The following SRGAP3 variants were observed in gnomAD, a reference collection of about 807,000 sequenced individuals.
The protein encoded by SRGAP3 is SLIT-ROBO Rho GTPase activating protein 3.
SRGAP3 carries 39 observed loss-of-function variants against 121.1 expected under a neutral mutation model. The observed-to-expected ratio is 0.32, with a 90% confidence interval of 0.25 to 0.42. The LOEUF is 0.42. Among genes scored for constraint, SRGAP3 ranks in the 10% least tolerant of loss-of-function variants. The probability of loss-of-function intolerance (pLI) is 1.00; values close to 1 mark genes in which losing one functional copy is unlikely to be tolerated. For synonymous variants in SRGAP3, 601 were observed against 570.0 expected (o/e 1.05, Z -0.77); for missense variants, 1,213 against 1,470.6 (o/e 0.82, Z 2.86).
At chr3:9,158,871 T>G (rs1393527587) in intron 1 of SRGAP3, among the ~76,000 whole-genome samples, 1 of 152,206 alleles carries the variant, frequency 6.6e-6, no homozygotes. Flanking sequence ...CTCAGCTGCC[T>G]GCAGGAAACA....
chr3:9,143,955 A>G (rs1226059491), intron 1 of SRGAP3, among the ~76,000 whole-genome samples: 4 of 151,942 alleles, frequency 2.6e-5, no homozygotes, highest in Admixed American at 2.6e-4. Flanking sequence ...ATTCCTCTCC[A>G]TCTCCACTGC....
At chr3:9,256,917 G>A (rs917244390) in intron 3 of SRGAP3, 6 of 398,308 alleles carry the variant, frequency 1.5e-5, no homozygotes, top group Non-Finnish European at 2.7e-5. Flanking sequence ...AGAATAACAA[G>A]AATAGATTCT....
intron 10 of SRGAP3, among the ~76,000 whole-genome samples, chr3:9,041,443 G>C (rs1945007049): frequency 6.6e-6 from 1 of 152,232 alleles, no homozygotes; most frequent in African/African-American, 2.4e-5. Context: ...AAAATGAAGA[G>C]ATTAAATAAT....
At chr3:9,196,290 A>G (rs946314426) in intron 1 of SRGAP3, among the ~76,000 whole-genome samples, 1 of 152,204 alleles carries the variant, frequency 6.6e-6, no homozygotes, top group Admixed American at 6.5e-5. Context: ...GGGCGTTTCC[A>G]TGGCTACGGT....
chr3:9,280,747 T>A (rs1954660661), intron 3 of SRGAP3, among the ~76,000 whole-genome samples: 1 of 152,212 alleles, frequency 6.6e-6, no homozygotes, highest in Admixed American at 6.5e-5. Context: ...GGATGCAGAA[T>A]CTGCTTTCTC....
intron 10 of SRGAP3, among the ~76,000 whole-genome samples, chr3:9,040,250 T>A (rs2125117552): frequency 6.6e-6 from 1 of 152,336 alleles, no homozygotes; most frequent in South Asian, 2.1e-4. Context: ...AACCCTCCAA[T>A]AACCTCTCAT....
chr3:9,178,712 T>C lies in SRGAP3; in HGVS notation c.68-53795A>G, dbSNP rs1041496890. On this transcript the variant is annotated intron_variant, in intron 1 of 21. Transcript: ENST00000383836. ...TGACGGATGCTCCCAATGCCTCCCATGGCCTGGATCCCTCCCTTCTCCTAC... is the reference window on the plus strand; with the variant it reads ...TGACGGATGCTCCCAATGCCTCCCACGGCCTGGATCCCTCCCTTCTCCTAC... 3.9e-5 allele frequency among the ~76,000 whole-genome samples: 6 copies of C among 152,126 alleles called. 1 individual carries two copies. The highest frequency in any genetic ancestry group is 2.6e-4 in the Admixed American group (4 of 15,268).
At chr3:9,227,239 A>G (rs937033595) in intron 1 of SRGAP3, among the ~76,000 whole-genome samples, 4 of 152,182 alleles carry the variant, frequency 2.6e-5, no homozygotes, top group Admixed American at 1.3e-4. Flanking sequence ...TGATGAATTC[A>G]TTTTTGTAAA....
At chr3:9,041,795 C>T (rs1198462103) in intron 10 of SRGAP3, among the ~76,000 whole-genome samples, 1 of 152,134 alleles carries the variant, frequency 6.6e-6, no homozygotes, top group African/African-American at 2.4e-5. Flanking sequence ...AGCCACATTA[C>T]AAAACGTTAA....
At chr3:9,223,081 C>T (rs1220826559) in intron 1 of SRGAP3, among the ~76,000 whole-genome samples, 2 of 152,176 alleles carry the variant, frequency 1.3e-5, no homozygotes, top group Admixed American at 6.5e-5. Flanking sequence ...AAAGATATAC[C>T]GCAGGATGCT....
intron 2 of SRGAP3, among the ~76,000 whole-genome samples, chr3:9,121,722 C>T (rs1191230853): frequency 6.6e-6 from 1 of 152,232 alleles, no homozygotes; most frequent in Non-Finnish European, 1.5e-5. Flanking sequence ...TATCCACAAT[C>T]CCTGCCTTTC....
At chr3:8,998,779 C>T (rs1257011435) in intron 18 of SRGAP3, among the ~76,000 whole-genome samples, 1 of 152,138 alleles carries the variant, frequency 6.6e-6, no homozygotes, top group Non-Finnish European at 1.5e-5. Context: ...TAAGCTTTTA[C>T]TGGTACCAGG....
chr3:9,113,136 G>C (rs977024915), intron 2 of SRGAP3, among the ~76,000 whole-genome samples: 1 of 152,192 alleles, frequency 6.6e-6, no homozygotes, highest in Non-Finnish European at 1.5e-5. Context: ...AGGACAAGAC[G>C]TGCATGGGGC....
chr3:9,249,744 G>A (rs1953956685), upstream of SRGAP3: 3 of 221,976 alleles, frequency 1.4e-5, no homozygotes, highest in African/African-American at 4.5e-5. Context: ...TAGCCTACAG[G>A]AGAGCAGAAC....
At chr3:9,184,693 G>A (rs1234317524) in intron 1 of SRGAP3, among the ~76,000 whole-genome samples, 4 of 152,066 alleles carry the variant, frequency 2.6e-5, no homozygotes, top group African/African-American at 9.7e-5. Flanking sequence ...AAAGGCATTC[G>A]GAGGCTAAGG....
rs544796935 is a variant in SRGAP3, at chr3:9,344,910, G to A, written n.215-14314C>T. ...AAATTAGCTGGGTGTGGTGGCGTGC[G>A]CCTGTAGTCCCAGCTACTCAGGAGG... is the stretch of plus-strand genomic sequence containing the variant. On this transcript the variant is annotated intron_variant and non_coding_transcript_variant, in intron 1 of 3. Coordinates refer to the SRGAP3 transcript ENST00000490889. Among the ~76,000 whole-genome samples the A allele has an allele frequency of 3.8e-4, 58 of 151,688 alleles. No homozygotes were observed. The South Asian group carries it at 6.9e-3, about 18-fold the overall frequency.
chr3:9,080,461 T>C (rs1238987868), intron 3 of SRGAP3, among the ~76,000 whole-genome samples: 2 of 152,214 alleles, frequency 1.3e-5, no homozygotes, highest in South Asian at 2.1e-4. Context: ...TGCACAATCC[T>C]CATGAATGGC....
intron 9 of SRGAP3, 141 bp from the exon 10 acceptor site, chr3:9,047,616 G>A (rs1478222557): frequency 5.0e-6 from 4 of 792,554 alleles, no homozygotes; most frequent in Non-Finnish European, 8.5e-6. Context: ...GAACAGAGAG[G>A]CCTCTGCATC....
rs1240277256 is a variant in SRGAP3 at position 9,102,138 on chromosome 3, GA to G, written c.423+2541del. ...GGTAGAGCCCTAGGACCCCAGCTCA[GA>G]CATGGGGAGTGGTTTCTATTCTTAG... On this transcript the variant is annotated intron_variant, in intron 3 of 21. Coordinates refer to ENST00000383836, the MANE Select transcript of SRGAP3 (RefSeq NM_014850.4). Among the ~76,000 whole-genome samples the G allele has an allele frequency of 2.6e-5, 4 of 152,330 alleles. No individual in the cohort carries two copies. In the East Asian group the frequency reaches 7.7e-4, roughly 29 times the overall value.
Sources: gnomAD v4.1 joint callset for allele counts (sites outside exome capture counted in the v4.1 genomes callset) on GRCh38, gnomAD v4.1.1 for gene constraint, MANE v1.5 for transcripts, NCBI Gene and HGNC (gene_info 2026-07-23, HGNC 2026-07-21) for gene names.